Variants in SSBP3 observed in about 807,000 individuals in gnomAD.
SSBP3 encodes the protein single stranded DNA binding protein 3, also known as single-stranded DNA-binding protein 3.
SSBP3 carries 5 observed loss-of-function variants against 69.6 expected under a neutral mutation model. The observed-to-expected ratio is 0.07, with a 90% CI of 0.04 to 0.15. The LOEUF is 0.15. Ranked by LOEUF, SSBP3 falls within the 10% of genes least tolerant of loss-of-function variation. The probability of loss-of-function intolerance (pLI) is 1.00; values close to 1 mark genes in which losing one functional copy is unlikely to be tolerated. For missense variants in SSBP3, 312 were observed against 534.0 expected, an observed-to-expected ratio of 0.58 and a Z score of 4.10; for synonymous variants, 196 against 193.4, an observed-to-expected ratio of 1.01 and a Z score of -0.11.
chr1:54,377,812 G>C (rs1317126464), intron 4 of SSBP3, among the ~76,000 whole-genome samples: 1 of 152,100 alleles, frequency 6.6e-6, no homozygotes, highest in Admixed American at 6.5e-5. Flanking sequence ...TTAAGACACT[G>C]ATAACAAAAA....
intron 4 of SSBP3, among the ~76,000 whole-genome samples, chr1:54,287,992 G>A (rs1006537451): frequency 6.6e-6 from 1 of 152,190 alleles, no homozygotes; most frequent in Non-Finnish European, 1.5e-5. Context: ...TAGTCAGGGG[G>A]CCATCGTGTG....
intron 5 of SSBP3, among the ~76,000 whole-genome samples, chr1:54,271,104 G>C (rs1645183878): frequency 6.6e-6 from 1 of 152,162 alleles, no homozygotes; most frequent in Admixed American, 6.5e-5. Context: ...TTACTGACAT[G>C]AATGTAGATT....
chr1:54,322,169 G>A (rs1646224980), intron 4 of SSBP3, among the ~76,000 whole-genome samples: 1 of 152,132 alleles, frequency 6.6e-6, no homozygotes, highest in Non-Finnish European at 1.5e-5. Context: ...AATTTCTCTT[G>A]TCCCTTCCTG....
At chr1:54,256,356 GTTTCT>G (rs971165761) in intron 7 of SSBP3, among the ~76,000 whole-genome samples, 39 of 152,288 alleles carry the variant, frequency 2.6e-4, no homozygotes, top group African/African-American at 7.7e-4. Flanking sequence ...TTCTCGAAAA[GTTTCT>G]TTTAAGTCTG....
intron 14 of SSBP3, among the ~76,000 whole-genome samples, chr1:54,233,737 C>G (rs1312045709): frequency 4.7e-5 from 7 of 150,470 alleles, no homozygotes; most frequent in Non-Finnish European, 8.9e-5. Context: ...CCCCGCCCAG[C>G]CAGCTGCCCC....
chr1:54,380,292 T>C (rs1323621403), intron 4 of SSBP3, among the ~76,000 whole-genome samples: 1 of 152,130 alleles, frequency 6.6e-6, no homozygotes, highest in African/African-American at 2.4e-5. Context: ...CCCCTCCCCA[T>C]GGTTCCTCCT....
At chr1:54,379,402 G>A (rs994077343) in intron 4 of SSBP3, among the ~76,000 whole-genome samples, 6 of 152,216 alleles carry the variant, frequency 3.9e-5, no homozygotes, top group African/African-American at 1.4e-4. Context: ...GGGGACGTCT[G>A]CAATAAACAT....
At chr1:54,379,989 A>G (rs1421468642) in intron 4 of SSBP3, among the ~76,000 whole-genome samples, 4 of 152,136 alleles carry the variant, frequency 2.6e-5, no homozygotes, top group African/African-American at 4.8e-5. Context: ...AGTGGGGACA[A>G]TGGGGCTGGA....
rs537939042 is a variant in SSBP3 at position 54,412,093 on chromosome 1, G to A, written c.-275+1263C>T. 2.0e-5 allele frequency among the ~76,000 whole-genome samples: 3 copies of A among 152,190 alleles called. No individual in the cohort carries two copies. The East Asian group carries it at 5.8e-4, about 29-fold the overall frequency. Reference sequence around the variant, plus strand: ...GCTCTTGCTGGTCACTCTTCTCCAAGGTAAAGGCTTCACTCCCACCTCATT... The same window carrying A: ...GCTCTTGCTGGTCACTCTTCTCCAAAGTAAAGGCTTCACTCCCACCTCATT... On this transcript the variant is annotated intron_variant, in intron 1 of 8. Transcript: ENST00000525990.
intron 4 of SSBP3, among the ~76,000 whole-genome samples, chr1:54,360,735 C>T (rs116066522): frequency 1.1e-4 from 17 of 152,224 alleles, no homozygotes; most frequent in African/African-American, 3.6e-4. Flanking sequence ...GTCTCAATTT[C>T]CTCACCTGCA....
At chr1:54,228,626 C>G in intron 15 of SSBP3, 122 bp downstream of exon 15, 1 of 1,468,706 alleles carries the variant, frequency 6.8e-7, no homozygotes, top group Non-Finnish European at 9.2e-7. Flanking sequence ...CTCTCAGGAT[C>G]GTCCTGTGTG....
intron 4 of SSBP3, among the ~76,000 whole-genome samples, chr1:54,300,703 G>T (rs910343304): frequency 2.4e-4 from 37 of 152,136 alleles, no homozygotes; most frequent in African/African-American, 8.2e-4. Context: ...CTAGAACATA[G>T]ACTCTGAGAG....
At chr1:54,351,044 T>C (rs1306760930) in intron 4 of SSBP3, among the ~76,000 whole-genome samples, 1 of 152,084 alleles carries the variant, frequency 6.6e-6, no homozygotes, top group African/African-American at 2.4e-5. Context: ...CCCAGGCTGG[T>C]CTCGAACTCC....
At chr1:54,273,738 C>T (rs955892663) in intron 5 of SSBP3, among the ~76,000 whole-genome samples, 3 of 152,212 alleles carry the variant, frequency 2.0e-5, no homozygotes, top group African/African-American at 4.8e-5. Flanking sequence ...GCTGGCTCCC[C>T]GAGGACACAC....
At chr1:54,276,911 C>G (rs1645298853) in intron 5 of SSBP3, among the ~76,000 whole-genome samples, 1 of 152,148 alleles carries the variant, frequency 6.6e-6, no homozygotes, top group Non-Finnish European at 1.5e-5. Flanking sequence ...TGCACTGCCT[C>G]CAGGAATGCC....
chr1:54,291,407 G>A (rs564648006), intron 4 of SSBP3, among the ~76,000 whole-genome samples: 2 of 152,274 alleles, frequency 1.3e-5, no homozygotes, highest in South Asian at 4.1e-4. Context: ...ACAGTCGGGA[G>A]CCCTTGAGCT....
Position 54,242,880 on chromosome 1 carries a change from G to A in SSBP3, c.716+355C>T, listed in dbSNP as rs373136498. On this transcript the variant is annotated intron_variant, in intron 10 of 17. Transcript: ENST00000610401. ...CAGGAGAATCGCTTGAACCCGGGAG[G>A]CGGAGATTGCAGTAAGCCAAGATTG... 25 of 189,878 alleles carry A rather than the reference G, an allele frequency of 1.3e-4. No homozygotes were observed. The East Asian group carries it at 2.7e-3, about 20-fold the overall frequency. 11.8% of individuals were successfully genotyped at this position (189,878 alleles called of 1,614,324 possible).
intron 4 of SSBP3, among the ~76,000 whole-genome samples, chr1:54,379,008 C>T (rs1455149642): frequency 6.6e-6 from 1 of 152,200 alleles, no homozygotes; most frequent in Admixed American, 6.5e-5. Flanking sequence ...GCTCTCCTGG[C>T]CCCGCCACCG....
intron 4 of SSBP3, among the ~76,000 whole-genome samples, chr1:54,389,127 G>A (rs1185107404): frequency 6.6e-6 from 1 of 152,148 alleles, no homozygotes; most frequent in Non-Finnish European, 1.5e-5. Context: ...CCAACCTGGT[G>A]TGCTCACGTT....
Sources: gnomAD v4.1 joint callset for allele counts (sites outside exome capture counted in the v4.1 genomes callset) on GRCh38, gnomAD v4.1.1 for gene constraint, MANE v1.5 for transcripts, NCBI Gene and HGNC (gene_info 2026-07-23, HGNC 2026-07-21) for gene names.